The following MAGI1 variants were observed in gnomAD, a reference collection of about 807,000 sequenced individuals.
MAGI1 encodes the protein membrane-associated guanylate kinase, WW and PDZ domain-containing protein 1.
A neutral mutation model predicts 139.9 loss-of-function variants in MAGI1; 58 were observed. The observed-to-expected ratio is 0.41, with a 90% confidence interval of 0.34 to 0.52. MAGI1 has a LOEUF of 0.52. Ranked by LOEUF, MAGI1 falls within the 20% of genes least tolerant of loss-of-function variation. The pLI, the probability that MAGI1 is intolerant of heterozygous loss-of-function variation, is 0.12. For missense variants in MAGI1, 1,874 were observed against 1,901.6 expected (o/e 0.99, Z 0.27); for synonymous variants, 812 against 737.9 (o/e 1.10, Z -1.63).
intron 2 of MAGI1, among the ~76,000 whole-genome samples, chr3:65,531,219 T>C (rs935612635): frequency 1.2e-4 from 18 of 152,028 alleles, no homozygotes; most frequent in African/African-American, 1.7e-4. Flanking sequence ...CAGCTTTATA[T>C]CAATATACTA....
At chr3:65,576,175 T>C (rs1209344965) in intron 2 of MAGI1, among the ~76,000 whole-genome samples, 3 of 152,242 alleles carry the variant, frequency 2.0e-5, no homozygotes, top group Admixed American at 6.5e-5. Flanking sequence ...AGAGCATGCA[T>C]ACTTAGCATT....
At chr3:65,738,996 G>C (rs1459211680) in intron 1 of MAGI1, among the ~76,000 whole-genome samples, 1 of 152,190 alleles carries the variant, frequency 6.6e-6, no homozygotes, top group Non-Finnish European at 1.5e-5. Flanking sequence ...GACTGAGTCT[G>C]TCCTTTGAAG....
intron 3 of MAGI1, among the ~76,000 whole-genome samples, chr3:65,483,321 A>G (rs1437948004): frequency 6.6e-6 from 1 of 152,150 alleles, no homozygotes; most frequent in Non-Finnish European, 1.5e-5. Context: ...CTTTGCCTCT[A>G]TGCACCCTCT....
At chr3:65,446,257 T>A (rs1041699230) in intron 7 of MAGI1, among the ~76,000 whole-genome samples, 3 of 152,178 alleles carry the variant, frequency 2.0e-5, no homozygotes, top group Non-Finnish European at 2.9e-5. Flanking sequence ...CACGCTTTCA[T>A]TAAGTCACCT....
At chr3:65,954,624 G>A (rs938231459) in intron 1 of MAGI1, 1 of 152,314 alleles carries the variant, frequency 6.6e-6, no homozygotes, top group Non-Finnish European at 1.5e-5. Context: ...GTGTTGTCAG[G>A]CGGCACGGCG....
At chr3:65,934,872 CTGCAT>C (rs763281657) in intron 1 of MAGI1, among the ~76,000 whole-genome samples, 2 of 151,014 alleles carry the variant, frequency 1.3e-5, no homozygotes, top group African/African-American at 2.4e-5. Flanking sequence ...CCAATTTAAT[CTGCAT>C]TGCACAAGTA....
chr3:65,389,651 G>A (rs1943743809), intron 14 of MAGI1, among the ~76,000 whole-genome samples: 2 of 152,284 alleles, frequency 1.3e-5, no homozygotes, highest in South Asian at 4.1e-4. Flanking sequence ...ACAGAACCTG[G>A]TTCCTGGTTA....
chr3:65,537,701 C>T (rs1013068433), intron 2 of MAGI1, among the ~76,000 whole-genome samples: 5 of 152,112 alleles, frequency 3.3e-5, no homozygotes, highest in Non-Finnish European at 7.4e-5. Flanking sequence ...TGAAAAAAAT[C>T]ACTAGATTTT....
At chr3:65,539,782 G>C (rs372438138) in intron 2 of MAGI1, among the ~76,000 whole-genome samples, 3 of 152,206 alleles carry the variant, frequency 2.0e-5, no homozygotes, top group African/African-American at 7.2e-5. Context: ...TATAAATACA[G>C]TTTACATACC....
chr3:65,844,020 C>A, intron 1 of MAGI1: 1 of 346,086 alleles, frequency 2.9e-6, no homozygotes. Flanking sequence ...GATATGAAAG[C>A]CACCAAGTAT....
intron 1 of MAGI1, among the ~76,000 whole-genome samples, chr3:65,970,244 G>T (rs767347329): frequency 7.9e-5 from 12 of 152,112 alleles, no homozygotes; most frequent in African/African-American, 1.2e-4. Context: ...GATCACAAAA[G>T]GACAAATACT....
rs575518023 is a variant in MAGI1 at position 65,822,163 on chromosome 3, G to C, written c.314-200075C>G. The stretch of plus-strand genomic sequence containing the variant: ...CAAATATAAATTCCAGGAAGAAAGA[G>C]AGATGAGGAAGGTCAGGAAGGAGGG... On this transcript the variant is annotated intron_variant, in intron 1 of 22. Coordinates refer to ENST00000402939, the MANE Select transcript of MAGI1 (RefSeq NM_001033057.2). 7.7e-4 allele frequency among the ~76,000 whole-genome samples: 117 copies of C among 152,272 alleles called. 1 individual carries two copies. In the South Asian group the frequency reaches 0.024, roughly 31 times the overall value.
intron 1 of MAGI1, among the ~76,000 whole-genome samples, chr3:65,757,322 G>C (rs1403865718): frequency 6.6e-6 from 1 of 152,150 alleles, no homozygotes; most frequent in African/African-American, 2.4e-5. Flanking sequence ...TATATAACCA[G>C]TGGTCACATT....
At chr3:65,360,990 T>TGGAC in intron 22 of MAGI1, 1 of 1,452,116 alleles carries the variant, frequency 6.9e-7, no homozygotes, top group Non-Finnish European at 9.1e-7. Context: ...AGATCTTGTC[T>TGGAC]TAGGCCATGC....
chr3:66,031,050 C>T (rs1331112746), intron 1 of MAGI1, among the ~76,000 whole-genome samples: 2 of 152,164 alleles, frequency 1.3e-5, no homozygotes, highest in African/African-American at 2.4e-5. Context: ...ACATCGATGC[C>T]GACCTCCATA....
rs750888080 is a variant in MAGI1, at chr3:65,356,909, C to T, written c.3858G>A (p.Ser1286=). Residue 1286 remains serine, a synonymous_variant, in exon 23 of 23, where the codon TCG becomes TCA. Transcript: ENST00000402939. ...GGCATGCCCCGCTGTCGGGTTTCCT[C>T]GAAGTCCCATTCCAGGTGTGGTGTT... ...PNEHHTWNGT[S]RKPDSGACRP... is the part of the protein sequence containing the mutation. The T allele has an allele frequency of 1.9e-6, 3 of 1,614,144 alleles. No individual in the cohort carries two copies. Among genetic ancestry groups the T allele is most frequent in the South Asian group, 2.2e-5 (2 of 91,084 alleles).
At chr3:65,705,038 C>G (rs1182020196) in intron 1 of MAGI1, among the ~76,000 whole-genome samples, 3 of 151,928 alleles carry the variant, frequency 2.0e-5, no homozygotes, top group African/African-American at 7.3e-5. Context: ...AAGGATCAGT[C>G]ACAATTCATC....
At chr3:65,742,343 T>C (rs2035345402) in intron 1 of MAGI1, among the ~76,000 whole-genome samples, 2 of 152,172 alleles carry the variant, frequency 1.3e-5, no homozygotes, top group African/African-American at 2.4e-5. Context: ...TGCATCTTTT[T>C]CCCCATTATG....
At chr3:65,694,427 C>A (rs73832918) in intron 1 of MAGI1, among the ~76,000 whole-genome samples, 1 of 144,258 alleles carries the variant, frequency 6.9e-6, no homozygotes, top group Admixed American at 6.9e-5. Context: ...ATATGCCTGG[C>A]GGGTAGTAAG....
Sources: allele counts gnomAD v4.1 joint callset (sites outside exome capture counted in the v4.1 genomes callset), GRCh38; gene constraint gnomAD v4.1.1; transcripts MANE v1.5; gene names NCBI Gene and HGNC (gene_info 2026-07-23, HGNC 2026-07-21).